Variants in TTC39B observed in about 807,000 individuals in gnomAD.
TTC39B encodes tetratricopeptide repeat protein 39B.
Under a neutral mutation model 96.6 loss-of-function variants are expected in TTC39B, and 92 were observed. The observed-to-expected ratio is 0.95, with a 90% confidence interval of 0.80 to 1.13. TTC39B has a LOEUF of 1.13. TTC39B is among the 50% of genes most tolerant of loss of function. The pLI is 0.00. For synonymous variants in TTC39B, 367 were observed against 299.4 expected (o/e 1.23, Z -2.33); for missense variants, 955 against 809.3 (o/e 1.18, Z -2.18).
intron 1 of TTC39B, among the ~76,000 whole-genome samples, chr9:15,297,065 C>G (rs1376074904): frequency 6.6e-6 from 1 of 152,212 alleles, no homozygotes; most frequent in African/African-American, 2.4e-5. Flanking sequence ...TCTGATCAAT[C>G]TGGCTGGAAC....
chr9:15,168,945 G>C (rs1031213233), exon 20 of TTC39B: 1 of 14,664 alleles, frequency 6.8e-5, no homozygotes, highest in East Asian at 0.056. Flanking sequence ...TGAAATGGTA[G>C]GGGGGGAGCA....
At chr9:15,256,497 C>T (rs1822756173) in intron 2 of TTC39B, among the ~76,000 whole-genome samples, 1 of 152,154 alleles carries the variant, frequency 6.6e-6, no homozygotes, top group Non-Finnish European at 1.5e-5. Context: ...GTGCCAAGTA[C>T]ACCATGACAA....
At position 15,264,563 on chromosome 9, in the gene TTC39B, G is replaced by A. The variant is rs767635719; in HGVS notation, c.275+3351C>T. 8.0e-5 allele frequency among the ~76,000 whole-genome samples: 12 copies of A among 150,778 alleles called. No individual in the cohort carries two copies. The East Asian group carries it at 2.2e-3, about 27-fold the overall frequency. On this transcript the variant is annotated intron_variant, in intron 2 of 19. Transcript: ENST00000512701. ...CCAGCTACTTGGAAGGCTGAGGCAG[G>A]AGAATTGCTTGAACCCAGGAGGCAG...
chr9:15,227,947 C>T (rs1365836987), intron 2 of TTC39B, among the ~76,000 whole-genome samples: 1 of 152,024 alleles, frequency 6.6e-6, no homozygotes, highest in Non-Finnish European at 1.5e-5. Flanking sequence ...CATAGTTTTA[C>T]CTGTGTTTTA....
Position 15,285,718 on chromosome 9 carries a change from G to A in TTC39B, c.241-17770C>T, listed in dbSNP as rs1033613239. On this transcript the variant is annotated intron_variant, in intron 1 of 19. Transcript: ENST00000512701. ...AAATACAAAAAAATTAGCCGGGCTT[G>A]GTGGCGGGCGCCTGTAGTCCCAGCT... Among the ~76,000 whole-genome samples the A allele has an allele frequency of 3.9e-5, 6 of 152,108 alleles. No individual in the cohort carries two copies. The South Asian group carries it at 8.3e-4, about 21-fold the overall frequency.
chr9:15,300,992 G>C (rs534602006), intron 1 of TTC39B, among the ~76,000 whole-genome samples: 1 of 146,456 alleles, frequency 6.8e-6, no homozygotes, highest in Non-Finnish European at 1.5e-5. Flanking sequence ...AATGACTCAC[G>C]ACCCAAGTCA....
chr9:15,278,756 C>T lies in TTC39B; in HGVS notation c.241-10808G>A, dbSNP rs550535463. Among the ~76,000 whole-genome samples, 15 of 152,326 alleles carry T rather than the reference C, an allele frequency of 9.8e-5. No individual in the cohort carries two copies. In the East Asian group the frequency reaches 1.5e-3, roughly 16 times the overall value. ...AGTTCCATCTATTAACACCTAGGCACTATGTTGAATACTCACGTGCTTATT... is the reference window on the plus strand; with the variant it reads ...AGTTCCATCTATTAACACCTAGGCATTATGTTGAATACTCACGTGCTTATT... On this transcript the variant is annotated intron_variant, in intron 1 of 19. Transcript: ENST00000512701.
chr9:15,293,790 A>G (rs1016945564), intron 1 of TTC39B, among the ~76,000 whole-genome samples: 2 of 152,252 alleles, frequency 1.3e-5, no homozygotes, highest in Non-Finnish European at 2.9e-5. Context: ...GTGGAGGTGT[A>G]AACAGACCTT....
intron 2 of TTC39B, among the ~76,000 whole-genome samples, chr9:15,245,559 C>A (rs543403971): frequency 6.6e-6 from 1 of 151,984 alleles, no homozygotes; most frequent in Admixed American, 6.5e-5. Flanking sequence ...GGCAAATAAA[C>A]GCTATATATT....
rs967195244 is a variant in TTC39B, at chr9:15,198,266, G to A, written c.824+1595C>T. Among the ~76,000 whole-genome samples the A allele has an allele frequency of 1.7e-4, 26 of 150,850 alleles. 1 individual carries two copies. The highest frequency in any genetic ancestry group is 5.9e-4 in the Admixed American group (9 of 15,212). ...GAGGTCAGGAGTTCGAGACCAGCCC[G>A]GTCAATATGGTGAAACCCCGTCTTT... On this transcript the variant is annotated intron_variant, in intron 8 of 19. Transcript: ENST00000512701.
intron 13 of TTC39B, among the ~76,000 whole-genome samples, chr9:15,189,312 A>G (rs1347823456): frequency 1.3e-5 from 2 of 152,200 alleles, no homozygotes; most frequent in East Asian, 3.8e-4. Flanking sequence ...TGAGCTTGTT[A>G]TTTGGTATAT....
exon 20 of TTC39B, chr9:15,169,487 C>G (rs1171046546): frequency 6.6e-6 from 1 of 152,076 alleles, no homozygotes; most frequent in Non-Finnish European, 1.5e-5. Flanking sequence ...ATGAATTGCA[C>G]TGTCAGACAC....
At chr9:15,258,726 C>T (rs1822842666) in intron 2 of TTC39B, among the ~76,000 whole-genome samples, 1 of 152,140 alleles carries the variant, frequency 6.6e-6, no homozygotes, top group Admixed American at 6.5e-5. Flanking sequence ...CATAGGGGTT[C>T]ACTGGTCATT....
intron 1 of TTC39B, among the ~76,000 whole-genome samples, chr9:15,279,757 C>CTAGG (rs1472464525): frequency 1.3e-5 from 2 of 152,128 alleles, no homozygotes; most frequent in African/African-American, 4.8e-5. Flanking sequence ...CCTAAGTCAC[C>CTAGG]TTCTCTGTGG....
At chr9:15,225,821 A>C (rs562336736) in intron 3 of TTC39B, 96 bp downstream of exon 3, 2 of 1,142,830 alleles carry the variant, frequency 1.8e-6, no homozygotes, top group African/African-American at 3.1e-5. Context: ...TTGGTTTGTC[A>C]AACGCAATGC....
chr9:15,243,813 G>A (rs947224219), intron 2 of TTC39B, among the ~76,000 whole-genome samples: 5 of 152,222 alleles, frequency 3.3e-5, no homozygotes, highest in African/African-American at 1.2e-4. Context: ...AGGAGGCTGA[G>A]AGGACAGCCT....
At position 15,175,009 on chromosome 9, in the gene TTC39B, C is replaced by T. The variant is rs1189332370; in HGVS notation, c.1958+10G>A. ...ATAACAATCAAGGAAAAGCTGCCTT[C>T]AACACTTACCTTGCAGTTTCTAGGA... On this transcript the variant is annotated intron_variant, in intron 19 of 19. Coordinates refer to ENST00000512701, the Ensembl canonical transcript of TTC39B. The T allele has an allele frequency of 6.3e-7, 1 of 1,596,682 alleles. No homozygotes were observed. The highest frequency in any genetic ancestry group is 1.3e-5 in the African/African-American group (1 of 74,566).
chr9:15,200,999 A>ATT (rs1819505997), intron 7 of TTC39B, among the ~76,000 whole-genome samples: 1 of 152,350 alleles, frequency 6.6e-6, no homozygotes, highest in African/African-American at 2.4e-5. Flanking sequence ...CTCCATCTCA[A>ATT]AACAATAAAT....
intron 1 of TTC39B, among the ~76,000 whole-genome samples, chr9:15,274,142 T>C (rs1304512464): frequency 6.6e-6 from 1 of 152,216 alleles, no homozygotes; most frequent in Admixed American, 6.5e-5. Context: ...CTATTAAAAC[T>C]TGAATAAAGT....
Sources: gnomAD v4.1 joint callset for allele counts (sites outside exome capture counted in the v4.1 genomes callset) on GRCh38, gnomAD v4.1.1 for gene constraint, MANE v1.5 for transcripts, NCBI Gene and HGNC (gene_info 2026-07-23, HGNC 2026-07-21) for gene names.